PHF24: variants seen among roughly 807,000 people sequenced by gnomAD.
The protein encoded by PHF24 is Galpha inhibitory interacting protein.
A neutral mutation model predicts 42.6 loss-of-function variants in PHF24; 25 were observed. That is an observed-to-expected ratio of 0.59 (90% confidence interval 0.43 to 0.82). The LOEUF is 0.82. Ranked by LOEUF, PHF24 falls within the 40% of genes least tolerant of loss-of-function variation. The pLI, the probability that PHF24 is intolerant of heterozygous loss-of-function variation, is 0.00. For missense variants in PHF24, 470 were observed against 538.1 expected (o/e 0.87, Z 1.25); for synonymous variants, 185 against 204.8 (o/e 0.90, Z 0.83).
the PHF24 span, among the ~76,000 whole-genome samples, chr9:34,846,567 GT>G: frequency 4.6e-5 from 7 of 150,760 alleles, no homozygotes; most frequent in Non-Finnish European, 1.0e-4. Context: ...CACTCTGATG[GT>G]AGTTTCTTTT....
chr9:34,670,229 C>T, the PHF24 span, among the ~76,000 whole-genome samples: 1 of 152,194 alleles, frequency 6.6e-6, no homozygotes, highest in Admixed American at 6.5e-5. Flanking sequence ...ACAGCACTTT[C>T]CTGAGTTCTG....
chr9:34,673,968 C>T, the PHF24 span, among the ~76,000 whole-genome samples: 2 of 152,180 alleles, frequency 1.3e-5, no homozygotes, highest in East Asian at 1.9e-4. Flanking sequence ...GTTGCCCAGG[C>T]AGGTGTCAAA....
the PHF24 span, among the ~76,000 whole-genome samples, chr9:34,680,259 C>T: frequency 3.9e-5 from 6 of 152,110 alleles, no homozygotes; most frequent in African/African-American, 1.4e-4. Context: ...CCTGAAGTCC[C>T]AGCTACTTGG....
the PHF24 span, among the ~76,000 whole-genome samples, chr9:34,673,182 C>T: frequency 2.0e-5 from 3 of 152,094 alleles, no homozygotes; most frequent in Non-Finnish European, 4.4e-5. Context: ...CTAGTGAAAT[C>T]CTGTCTCTAC....
chr9:34,963,710 C>A (rs1485650268), intron 1 of PHF24, among the ~76,000 whole-genome samples: 1 of 152,142 alleles, frequency 6.6e-6, no homozygotes, highest in Non-Finnish European at 1.5e-5. Flanking sequence ...GGCTAAATTG[C>A]AGAATTTCTT....
chr9:34,835,293 C>G, the PHF24 span: 5 of 1,551,896 alleles, frequency 3.2e-6, no homozygotes, highest in South Asian at 4.8e-5. Flanking sequence ...TTGAAAGAAA[C>G]TGGCTGGTCA....
At chr9:34,745,559 G>A in the PHF24 span, among the ~76,000 whole-genome samples, 2 of 151,968 alleles carry the variant, frequency 1.3e-5, no homozygotes, top group South Asian at 2.1e-4. Context: ...TGAGCACTAA[G>A]AGTATATAAC....
At chr9:34,872,338 C>T in the PHF24 span, among the ~76,000 whole-genome samples, 1 of 140,436 alleles carries the variant, frequency 7.1e-6, no homozygotes, top group East Asian at 2.1e-4. Flanking sequence ...GTATATCTCC[C>T]AATGCTATCC....
intron 5 of PHF24, 60 bp from the exon 6 acceptor site, chr9:34,977,023 C>G: frequency 6.6e-7 from 1 of 1,516,744 alleles, no homozygotes; most frequent in Non-Finnish European, 8.9e-7. Context: ...ATAGGATTCT[C>G]TATGGCTTGG....
chr9:34,754,505 A>T, the PHF24 span, among the ~76,000 whole-genome samples: 1 of 152,176 alleles, frequency 6.6e-6, no homozygotes, highest in Non-Finnish European at 1.5e-5. Context: ...CTACAATGAG[A>T]TATCGTCTTG....
the PHF24 span, among the ~76,000 whole-genome samples, chr9:34,809,086 A>C: frequency 6.6e-6 from 1 of 151,794 alleles, no homozygotes; most frequent in African/African-American, 2.4e-5. This position sits in a 1 kb window ranked among gnomAD's most constrained non-coding sequence, Gnocchi z 4.1. Context: ...AACCATAGTA[A>C]ATACTATACC....
chr9:34,709,961 C>A, the PHF24 span: 3 of 1,613,810 alleles, frequency 1.9e-6, no homozygotes, highest in Middle Eastern at 1.7e-4. Context: ...GCCTCTTGAT[C>A]CCCTTAGCCC....
chr9:34,836,665 A>G, the PHF24 span, among the ~76,000 whole-genome samples: 1 of 152,300 alleles, frequency 6.6e-6, no homozygotes, highest in African/African-American at 2.4e-5. Flanking sequence ...TAAAGGAAGT[A>G]TTATCAGCAG....
the PHF24 span, among the ~76,000 whole-genome samples, chr9:34,837,886 A>G: frequency 4.6e-5 from 7 of 152,048 alleles, no homozygotes; most frequent in Non-Finnish European, 1.0e-4. Flanking sequence ...TTTCGGATTC[A>G]CTTGGAGCCT....
chr9:34,810,364 C>G, the PHF24 span, among the ~76,000 whole-genome samples: 1 of 152,160 alleles, frequency 6.6e-6, no homozygotes, highest in Non-Finnish European at 1.5e-5. Flanking sequence ...CATGAAGACC[C>G]GCTGTGGGAA....
chr9:34,836,106 G>A, the PHF24 span: 1 of 496,704 alleles, frequency 2.0e-6, no homozygotes, highest in Non-Finnish European at 4.1e-6. Flanking sequence ...TACCTTCTTG[G>A]AAGAGTGTGG....
At chr9:34,869,694 A>G in the PHF24 span, among the ~76,000 whole-genome samples, 2 of 152,150 alleles carry the variant, frequency 1.3e-5, no homozygotes, top group South Asian at 2.1e-4. Context: ...TACCTTACAG[A>G]TACATCTAGA....
upstream of PHF24, among the ~76,000 whole-genome samples, chr9:34,955,566 A>G (rs1480823006): frequency 6.6e-6 from 1 of 152,184 alleles, no homozygotes; most frequent in East Asian, 1.9e-4. Flanking sequence ...AATCCTAGCT[A>G]TTCGGGAGGC....
At chr9:34,918,840 A>G in the PHF24 span, among the ~76,000 whole-genome samples, 3 of 152,200 alleles carry the variant, frequency 2.0e-5, no homozygotes, top group African/African-American at 7.2e-5. Context: ...TGATTTCAGC[A>G]TGAACAGTCC....
Sources: allele counts gnomAD v4.1 joint callset (sites outside exome capture counted in the v4.1 genomes callset), GRCh38; gene constraint gnomAD v4.1.1; non-coding constraint Gnocchi (gnomAD v3.1); transcripts MANE v1.5; gene names NCBI Gene and HGNC (gene_info 2026-07-23, HGNC 2026-07-21).